FGD5: variants seen among roughly 807,000 people sequenced by gnomAD.
FGD5 encodes the protein FYVE, RhoGEF and PH domain-containing protein 5.
Under a neutral mutation model 133.4 loss-of-function variants are expected in FGD5, and 28 were observed. The ratio of observed to expected loss-of-function variants is 0.21; its 90% CI spans 0.16 to 0.29. The LOEUF is 0.29. Ranked by LOEUF, FGD5 falls within the 10% of genes least tolerant of loss-of-function variation. The pLI, the probability that FGD5 is intolerant of heterozygous loss-of-function variation, is 1.00. For synonymous variants in FGD5, 810 were observed against 776.5 expected (o/e 1.04, Z -0.72); for missense variants, 1,858 against 1,895.2 (o/e 0.98, Z 0.36).
intron 18 of FGD5, 116 bp from the exon 19 acceptor site, chr3:14,932,461 G>T (rs1054497954): frequency 1.6e-6 from 2 of 1,224,156 alleles, no homozygotes; most frequent in African/African-American, 3.1e-5. Context: ...GAGCCCGAAG[G>T]TGCCAAAGCA....
chr3:14,875,341 A>G (rs1312382943), intron 2 of FGD5, among the ~76,000 whole-genome samples: 1 of 152,152 alleles, frequency 6.6e-6, no homozygotes, highest in Non-Finnish European at 1.5e-5. Flanking sequence ...TGCGTGGCTG[A>G]AGAGGCTGGC....
In FGD5 at chr3:14,924,020, G is replaced by A. The variant is rs913608501; in HGVS notation, c.3950G>A (p.Ser1317Asn). The A allele has an allele frequency of 5.6e-6, 9 of 1,613,864 alleles. No individual in the cohort carries two copies. Among genetic ancestry groups the A allele is most frequent in the Non-Finnish European group, 7.6e-6 (9 of 1,179,900 alleles). Residue 1317 changes from serine (S) to asparagine (N), a missense_variant, in exon 17 of 20, where the codon AGC (serine) becomes AAC (asparagine). Around this residue, in one of 3 missense-constraint regions of FGD5, gnomAD observed 1,824 missense variants for 1,848.9 expected, o/e 0.99. Transcript: ENST00000285046. Reference protein sequence around the residue: ...VPGLMRERPVSMSFPLSSPRF... With the variant: ...VPGLMRERPVNMSFPLSSPRF... Reference sequence around the variant, plus strand: ...CTTTCAGTTACAGAGCGGCCTGTGAGCATGAGCTTCCCGCTGTCTTCACCC... The same window carrying A: ...CTTTCAGTTACAGAGCGGCCTGTGAACATGAGCTTCCCGCTGTCTTCACCC...
intron 18 of FGD5, among the ~76,000 whole-genome samples, chr3:14,929,209 T>A (rs542054382): frequency 2.1e-4 from 32 of 152,368 alleles, no homozygotes; most frequent in African/African-American, 7.5e-4. Flanking sequence ...AGTCTTCCAT[T>A]TTGTGAATAT....
chr3:14,882,689 CTCTG>C (rs1559492128), intron 4 of FGD5, among the ~76,000 whole-genome samples: 1 of 141,330 alleles, frequency 7.1e-6, no homozygotes, highest in Admixed American at 7.3e-5. Flanking sequence ...CAGAGGGAGA[CTCTG>C]TCTGAAAAAA....
intron 11 of FGD5, 78 bp downstream of exon 11, chr3:14,911,007 A>G: frequency 7.2e-7 from 1 of 1,388,438 alleles, no homozygotes; most frequent in Non-Finnish European, 1.0e-6. Flanking sequence ...TTCAAGGACA[A>G]GTGGAATAGG....
At chr3:14,850,334 G>T (rs571163483) in intron 1 of FGD5, among the ~76,000 whole-genome samples, 2 of 152,362 alleles carry the variant, frequency 1.3e-5, no homozygotes, top group African/African-American at 4.8e-5. Flanking sequence ...CCTCTGGGGT[G>T]CTTCTCCCTC....
At chr3:14,843,956 A>G (rs1334731657) in intron 1 of FGD5, among the ~76,000 whole-genome samples, 1 of 150,670 alleles carries the variant, frequency 6.6e-6, no homozygotes, top group African/African-American at 2.4e-5. Flanking sequence ...CGGCCTCCCA[A>G]AGTGCTGGGA....
At chr3:14,840,434 C>T (rs1257010131) in intron 1 of FGD5, among the ~76,000 whole-genome samples, 2 of 152,172 alleles carry the variant, frequency 1.3e-5, no homozygotes, top group African/African-American at 4.8e-5. Flanking sequence ...CATGAGCCAC[C>T]ACGCCCAGCC....
chr3:14,891,933 T>G (rs984627676), intron 4 of FGD5, among the ~76,000 whole-genome samples: 8 of 151,540 alleles, frequency 5.3e-5, no homozygotes, highest in African/African-American at 2.4e-5. Context: ...CTCTCTTTCT[T>G]TTTCTCTCTT....
At chr3:14,903,904 A>C (rs1013179675) in intron 9 of FGD5, among the ~76,000 whole-genome samples, 4 of 151,656 alleles carry the variant, frequency 2.6e-5, no homozygotes, top group African/African-American at 9.7e-5. Flanking sequence ...GTAGTTTCTC[A>C]TTTTCCTTGC....
chr3:14,874,371 T>C (rs2037675333), intron 2 of FGD5, among the ~76,000 whole-genome samples: 1 of 151,960 alleles, frequency 6.6e-6, no homozygotes. Context: ...ATAAAAAAAT[T>C]AGCTGGGTGT....
intron 2 of FGD5, among the ~76,000 whole-genome samples, chr3:14,879,445 A>C (rs1479437783): frequency 6.6e-6 from 1 of 152,244 alleles, no homozygotes; most frequent in African/African-American, 2.4e-5. Context: ...AGCCCAGCCC[A>C]TCCTTCCTGT....
Position 14,917,377 on chromosome 3 carries a change from A to G in FGD5, c.3489+45A>G, listed in dbSNP as rs868046520. 2 of 1,552,050 alleles carry G rather than the reference A, an allele frequency of 1.3e-6. No homozygotes were observed. Among genetic ancestry groups the G allele is most frequent in the Middle Eastern group, 1.8e-4 (1 of 5,708 alleles). On this transcript the variant is annotated intron_variant, in intron 12 of 19. Transcript: ENST00000285046. This position sits in a 1 kb window ranked among gnomAD's most constrained non-coding sequence, Gnocchi z 4.1. ...TACCCCCGGGTTGGGGGACAGGGAG[A>G]CCCCAGGGGAGAAGGGGACAGCATC...
intron 1 of FGD5, among the ~76,000 whole-genome samples, chr3:14,853,683 C>CTT: frequency 1.1e-5 from 1 of 95,014 alleles, no homozygotes; most frequent in Non-Finnish European, 1.9e-5. Flanking sequence ...TTATTAGGCC[C>CTT]TTTTGGCTGT....
At chr3:14,903,354 TTTATTA>T (rs529647828) in intron 9 of FGD5, among the ~76,000 whole-genome samples, 3 of 151,470 alleles carry the variant, frequency 2.0e-5, no homozygotes, top group Admixed American at 6.6e-5. Flanking sequence ...TATGAACATC[TTTATTA>T]TTATTATTAT....
chr3:14,820,480 T>A lies in FGD5; in HGVS notation c.1409T>A (p.Leu470Gln), dbSNP rs544827382. 1 of 1,613,936 alleles carries A rather than the reference T, an allele frequency of 6.2e-7. No homozygotes were observed. Among genetic ancestry groups the A allele is most frequent in the Non-Finnish European group, 8.5e-7 (1 of 1,179,872 alleles). Residue 470 changes from leucine to glutamine, a missense_variant, in exon 1 of 20, where the codon CTG (leucine) becomes CAG (glutamine). Coordinates refer to ENST00000285046, the MANE Select transcript of FGD5 (RefSeq NM_152536.4). Reference sequence around the variant, plus strand: ...TTGAACTGTGAGGCAGAGGGTGGCCTGGTTCCCGCGGACAGGAAGAACACC... The same window carrying A: ...TTGAACTGTGAGGCAGAGGGTGGCCAGGTTCCCGCGGACAGGAAGAACACC... ...EELNCEAEGG[L>Q]VPADRKNTST...
chr3:14,881,033 C>T (rs1450904924), intron 4 of FGD5, among the ~76,000 whole-genome samples: 2 of 152,272 alleles, frequency 1.3e-5, no homozygotes, highest in East Asian at 3.9e-4. Context: ...TTTGAGGTTT[C>T]CTTAGCCCTC....
chr3:14,820,793 C>T lies in FGD5; in HGVS notation c.1722C>T (p.His574=), dbSNP rs765799356. 2.5e-6 allele frequency: 4 copies of T among 1,613,666 alleles called. No homozygotes were observed. The highest frequency in any genetic ancestry group is 3.3e-5 in the Admixed American group (2 of 59,978). ...QEPEGSGLDD[H]RIKRKEDNLS... is the part of the protein sequence containing the mutation. ...CTGAGGGGTCAGGGTTGGATGACCACAGGATAAAGAGGAAAGAGGACAATC... is the reference window on the plus strand; with the variant it reads ...CTGAGGGGTCAGGGTTGGATGACCATAGGATAAAGAGGAAAGAGGACAATC... The change falls in exon 1 of 20, where the codon CAC becomes CAT. Residue 574 remains histidine (H), a synonymous_variant. Coordinates refer to ENST00000285046, the MANE Select transcript of FGD5 (RefSeq NM_152536.4).
chr3:14,896,169 C>T (rs1261496089), intron 4 of FGD5, among the ~76,000 whole-genome samples: 2 of 152,210 alleles, frequency 1.3e-5, no homozygotes, highest in Non-Finnish European at 2.9e-5. Flanking sequence ...GTTCCATGCT[C>T]ATGGATTAGA....
Sources: gnomAD v4.1 joint callset for allele counts (sites outside exome capture counted in the v4.1 genomes callset) on GRCh38, gnomAD v4.1.1 for gene constraint, gnomAD v4.1.1 regional missense constraint, Gnocchi (gnomAD v3.1) non-coding constraint, MANE v1.5 for transcripts, NCBI Gene and HGNC (gene_info 2026-07-23, HGNC 2026-07-21) for gene names.